Variants in CLINT1 observed in about 807,000 individuals in gnomAD.
The protein encoded by CLINT1 is clathrin interacting protein localized in the trans-Golgi region.
In CLINT1, 15 loss-of-function variants were observed where a neutral mutation model predicts 70.4. That is an observed-to-expected ratio of 0.21 (90% confidence interval 0.14 to 0.33). The LOEUF (loss-of-function observed/expected upper bound fraction) is 0.33. Among genes scored for constraint, CLINT1 ranks in the 10% least tolerant of loss-of-function variants. The probability of loss-of-function intolerance (pLI) is 1.00; values close to 1 mark genes in which losing one functional copy is unlikely to be tolerated. For synonymous variants in CLINT1, 227 were observed against 254.7 expected (o/e 0.89, Z 1.04); for missense variants, 615 against 778.1 (o/e 0.79, Z 2.49).
intron 6 of CLINT1, among the ~76,000 whole-genome samples, chr5:157,808,178 T>C (rs930469227): frequency 2.6e-5 from 4 of 152,136 alleles, no homozygotes; most frequent in African/African-American, 9.6e-5. Context: ...TTGTGGCCTG[T>C]GTAAGTTTTG....
intron 1 of CLINT1, among the ~76,000 whole-genome samples, chr5:157,829,689 ATT>A (rs3075709): frequency 0.025 from 2,758 of 109,030 alleles, 31 homozygotes; most frequent in African/African-American, 0.059. Flanking sequence ...ACACCCAGCT[ATT>A]TTTTTTTTTT....
intron 5 of CLINT1, 39 bp from the exon 6 acceptor site, chr5:157,809,844 A>C: frequency 6.4e-7 from 1 of 1,570,916 alleles, no homozygotes; most frequent in Non-Finnish European, 8.7e-7. Flanking sequence ...TTCTAACGAC[A>C]TTAAATTCAA....
At position 157,845,772 on chromosome 5, in the gene CLINT1, T is replaced by C. The variant is rs543577979; in HGVS notation, c.41+13158A>G. Among the ~76,000 whole-genome samples, 398 of 152,282 alleles carry C rather than the reference T, an allele frequency of 2.6e-3. 5 individuals are homozygous for C. Among genetic ancestry groups the C allele is most frequent in the African/African-American group, 9.2e-3 (383 of 41,568 alleles). ...GGTTTCACCGTGTTAGCCAGGATGG[T>C]CTCGATCTCCTGACCTCGTGATCCG... On this transcript the variant is annotated intron_variant, in intron 1 of 11. Coordinates refer to ENST00000411809, the MANE Select transcript of CLINT1 (RefSeq NM_014666.4).
Position 157,816,725 on chromosome 5 carries a change from T to C in CLINT1, c.243+9A>G. The C allele has an allele frequency of 6.3e-7, 1 of 1,588,770 alleles. No homozygotes were observed. The highest frequency in any genetic ancestry group is 1.7e-5 in the Admixed American group (1 of 58,360). ...ATGTCAAGTAATTAAAGCAGACTTG[T>C]GTCCATACCTTATAAACTCTTCTCC... On this transcript the variant is annotated intron_variant, in intron 3 of 11. Transcript: ENST00000411809.
chr5:157,790,687 C>A, intron 10 of CLINT1: 2 of 453,260 alleles, frequency 4.4e-6, no homozygotes, highest in South Asian at 3.1e-5. Flanking sequence ...ATCATAAACA[C>A]ATATTCTCAA....
rs1761755189 is a variant in CLINT1, at chr5:157,787,322, A to T, written c.*324T>A. ...TAAAATTAGAGATTCAAACACATTT[A>T]TTCAGCCCTATTCCAGTCTTCCCAC... On this transcript the variant is annotated 3_prime_UTR_variant, in exon 12 of 12. Coordinates refer to ENST00000411809, the MANE Select transcript of CLINT1 (RefSeq NM_014666.4). 3.7e-6 allele frequency: 1 copy of T among 273,328 alleles called. No homozygotes were observed. Among genetic ancestry groups the T allele is most frequent in the Admixed American group, 4.8e-5 (1 of 20,764 alleles). 16.9% of individuals were successfully genotyped at this position (273,328 alleles called of 1,614,324 possible).
intron 1 of CLINT1, among the ~76,000 whole-genome samples, chr5:157,823,181 G>C (rs552728076): frequency 2.0e-5 from 3 of 152,206 alleles, no homozygotes; most frequent in East Asian, 3.9e-4. Flanking sequence ...CCCATACTAA[G>C]ATAATTTAAA....
At chr5:157,817,197 G>A (rs1486090182) in intron 2 of CLINT1, among the ~76,000 whole-genome samples, 1 of 152,074 alleles carries the variant, frequency 6.6e-6, no homozygotes, top group Non-Finnish European at 1.5e-5. Flanking sequence ...GTGAGCTACA[G>A]TGTATCTCAA....
At chr5:157,824,549 A>C (rs541782517) in intron 1 of CLINT1, among the ~76,000 whole-genome samples, 1 of 152,344 alleles carries the variant, frequency 6.6e-6, no homozygotes, top group African/African-American at 2.4e-5. Flanking sequence ...TGCAATGAAA[A>C]AGTCTTAACA....
Position 157,805,884 on chromosome 5 carries a change from T to C in CLINT1, c.924A>G (p.Thr308=), listed in dbSNP as rs778430405. 8 of 1,613,728 alleles carry C rather than the reference T, an allele frequency of 5.0e-6. No homozygotes were observed. The highest frequency in any genetic ancestry group is 6.8e-6 in the Non-Finnish European group (8 of 1,179,860). The part of the protein sequence containing the change: ...ASPDQNASTH[T]PQSSVKTSVP... ...TTCCCACCTTAACTGAAGACTGAGG[T>C]GTGTGGGTTGAAGCATTCTGATCTG... Residue 308 remains threonine (T), a synonymous_variant, in exon 7 of 12, where the codon ACA becomes ACG. Transcript: ENST00000411809.
intron 5 of CLINT1, among the ~76,000 whole-genome samples, chr5:157,810,453 C>T (rs112774561): frequency 8.2e-4 from 125 of 152,348 alleles, no homozygotes; most frequent in African/African-American, 2.7e-3. Context: ...TATGCTCAAA[C>T]AGTAGTTCAG....
At position 157,843,173 on chromosome 5, in the gene CLINT1, AATTT is replaced by A. The variant is rs1753247305; in HGVS notation, c.41+15753_41+15756del. Among the ~76,000 whole-genome samples the A allele has an allele frequency of 2.6e-5, 4 of 152,310 alleles. No individual in the cohort carries two copies. In the South Asian group the frequency reaches 8.3e-4, roughly 32 times the overall value. ...GTTAAAGGGGTTTAAATTTTATAAA[AATTT>A]ATTTCCCAACTTAATTCCTATTAAT... On this transcript the variant is annotated intron_variant, in intron 1 of 11. Coordinates refer to ENST00000411809, the MANE Select transcript of CLINT1 (RefSeq NM_014666.4).
chr5:157,834,289 C>T (rs1475651016), intron 1 of CLINT1, among the ~76,000 whole-genome samples: 2 of 151,940 alleles, frequency 1.3e-5, no homozygotes, highest in South Asian at 2.1e-4. Flanking sequence ...TTGCTTGAAC[C>T]GGGAGGCAGA....
intron 1 of CLINT1, among the ~76,000 whole-genome samples, chr5:157,820,353 G>T (rs1224232871): frequency 1.3e-5 from 2 of 152,192 alleles, no homozygotes; most frequent in African/African-American, 4.8e-5. Flanking sequence ...GGACGCTGAG[G>T]TGGGAGGACT....
At chr5:157,832,607 T>C (rs749487943) in intron 1 of CLINT1, among the ~76,000 whole-genome samples, 10 of 152,334 alleles carry the variant, frequency 6.6e-5, no homozygotes, top group Non-Finnish European at 7.3e-5. Context: ...ATTCATCTTC[T>C]ACATGACCAC....
intron 10 of CLINT1, 174 bp downstream of exon 10, chr5:157,791,529 G>GA (rs1278971085): frequency 3.2e-6 from 2 of 625,968 alleles, no homozygotes; most frequent in South Asian, 2.0e-5. Flanking sequence ...TATGCTAGGG[G>GA]AGAGTATGAG....
chr5:157,838,654 T>G (rs1763514745), intron 1 of CLINT1, among the ~76,000 whole-genome samples: 1 of 152,194 alleles, frequency 6.6e-6, no homozygotes, highest in African/African-American at 2.4e-5. Flanking sequence ...CAGTAATCAG[T>G]TGCTGGTATA....
intron 8 of CLINT1, among the ~76,000 whole-genome samples, chr5:157,802,544 T>C (rs181453257): frequency 2.1e-3 from 220 of 106,154 alleles, no homozygotes; most frequent in South Asian, 0.019. Flanking sequence ...AGCCCTCTCT[T>C]TTTTTTTTTT....
intron 1 of CLINT1, among the ~76,000 whole-genome samples, chr5:157,844,970 T>C (rs1297814080): frequency 1.3e-5 from 2 of 152,226 alleles, no homozygotes; most frequent in Non-Finnish European, 2.9e-5. Context: ...ATTCAGAATA[T>C]TGCAAGAGGT....
Sources: allele counts gnomAD v4.1 joint callset (sites outside exome capture counted in the v4.1 genomes callset), GRCh38; gene constraint gnomAD v4.1.1; transcripts MANE v1.5; gene names NCBI Gene and HGNC (gene_info 2026-07-23, HGNC 2026-07-21).